The following HDAC8 variants were observed in gnomAD, a reference collection of about 807,000 sequenced individuals.
The protein encoded by HDAC8 is histone deacetylase 8, also known as histone deacetylase-like 1.
Under a neutral mutation model 32.2 loss-of-function variants are expected in HDAC8, and 1 was observed. That is an observed-to-expected ratio of 0.03 (90% CI 0.01 to 0.15). The LOEUF (loss-of-function observed/expected upper bound fraction) is 0.15. Among genes scored for constraint, HDAC8 ranks in the 10% least tolerant of loss-of-function variants. HDAC8 has a pLI of 1.00. For missense variants in HDAC8, 117 were observed against 300.0 expected (o/e 0.39, Z 4.51); for synonymous variants, 108 against 113.9 (o/e 0.95, Z 0.33).
chrX:72,526,588 G>A (rs1342201082), intron 4 of HDAC8, among the ~76,000 whole-genome samples: 2 of 110,961 alleles, frequency 1.8e-5, no homozygotes, highest in Non-Finnish European at 3.8e-5. Flanking sequence ...ATAAATATTT[G>A]TTGAATTAAG....
At chrX:72,500,046 C>T (rs1285118500) in intron 4 of HDAC8, among the ~76,000 whole-genome samples, 1 of 111,009 alleles carries the variant, frequency 9.0e-6, no homozygotes, top group Non-Finnish European at 1.9e-5. Context: ...GGATAAATTC[C>T]TGGACATATA....
At chrX:72,500,530 C>T (rs2049175877) in intron 4 of HDAC8, among the ~76,000 whole-genome samples, 1 of 111,974 alleles carries the variant, frequency 8.9e-6, no homozygotes, top group South Asian at 3.7e-4. Flanking sequence ...ACAAAAACTA[C>T]ATGATCATCT....
chrX:72,496,950 G>A (rs1342630034), intron 4 of HDAC8, among the ~76,000 whole-genome samples: 1 of 111,739 alleles, frequency 8.9e-6, no homozygotes, highest in African/African-American at 3.2e-5. Context: ...AAGCAGTGAT[G>A]GTTAAGAAAC....
At chrX:72,532,751 A>G (rs2050393110) in intron 4 of HDAC8, among the ~76,000 whole-genome samples, 1 of 111,236 alleles carries the variant, frequency 9.0e-6, no homozygotes, top group Admixed American at 9.6e-5. Flanking sequence ...CAAGAGTTCT[A>G]TACACATATA....
intron 9 of HDAC8, among the ~76,000 whole-genome samples, chrX:72,364,457 T>C (rs2044642071): frequency 8.9e-6 from 1 of 112,034 alleles, no homozygotes; most frequent in Non-Finnish European, 1.9e-5. Flanking sequence ...CTGCTGGACA[T>C]TTCTACCTGG....
intron 9 of HDAC8, among the ~76,000 whole-genome samples, chrX:72,353,417 A>T (rs1374482732): frequency 8.9e-6 from 1 of 112,233 alleles, no homozygotes; most frequent in Non-Finnish European, 1.9e-5. Flanking sequence ...TGCTGGAGTT[A>T]TTACTCTCTG....
At chrX:72,347,885 C>T (rs782156300) in intron 10 of HDAC8, among the ~76,000 whole-genome samples, 3 of 111,875 alleles carry the variant, frequency 2.7e-5, no homozygotes, top group Non-Finnish European at 5.6e-5. Flanking sequence ...CTCATTGGCA[C>T]GAGAGGAGCT....
intron 2 of HDAC8, among the ~76,000 whole-genome samples, chrX:72,569,670 C>T (rs1267518317): frequency 1.8e-5 from 2 of 111,571 alleles, no homozygotes; most frequent in Non-Finnish European, 3.8e-5. Flanking sequence ...CAAATAGAAG[C>T]GAGTGAGGGA....
intron 7 of HDAC8, among the ~76,000 whole-genome samples, chrX:72,485,814 G>A (rs1408462096): frequency 9.0e-6 from 1 of 111,589 alleles, no homozygotes; most frequent in Non-Finnish European, 1.9e-5. Context: ...AACCAGTGGG[G>A]TCATGAAATA....
chrX:72,398,938 G>T (rs1211482487), intron 9 of HDAC8, among the ~76,000 whole-genome samples: 1 of 109,545 alleles, frequency 9.1e-6, no homozygotes, highest in Non-Finnish European at 1.9e-5. Context: ...ACTAGCATTT[G>T]GGGCAGGACA....
At chrX:72,559,562 C>T (rs1270807967) in intron 4 of HDAC8, among the ~76,000 whole-genome samples, 2 of 105,990 alleles carry the variant, frequency 1.9e-5, no homozygotes, top group Non-Finnish European at 3.9e-5. Context: ...CCCTCTGCCC[C>T]GCCGCCCAGT....
chrX:72,342,596 G>A (rs2043914904), intron 10 of HDAC8, among the ~76,000 whole-genome samples: 2 of 112,247 alleles, frequency 1.8e-5, no homozygotes, highest in Non-Finnish European at 3.8e-5. Flanking sequence ...ACTAGAAGCT[G>A]GAGGGAAATG....
At chrX:72,571,956 A>T in intron 2 of HDAC8, 101 bp downstream of exon 2, 1 of 669,925 alleles carries the variant, frequency 1.5e-6, no homozygotes, top group Non-Finnish European at 2.2e-6. Context: ...AGCTAAAATA[A>T]TTTTTTCAAA....
chrX:72,385,250 G>A (rs1049634776), intron 9 of HDAC8, among the ~76,000 whole-genome samples: 9 of 111,211 alleles, frequency 8.1e-5, no homozygotes, highest in African/African-American at 2.6e-4. Context: ...GATCACTTGA[G>A]GCCACCAGTT....
intron 4 of HDAC8, among the ~76,000 whole-genome samples, chrX:72,556,942 C>T (rs782103656): frequency 1.8e-5 from 2 of 112,204 alleles, no homozygotes; most frequent in South Asian, 7.4e-4. Context: ...CCAGGCTGGG[C>T]GCGGTGGCTC....
chrX:72,418,434 G>T (rs2046403189), intron 9 of HDAC8, among the ~76,000 whole-genome samples: 1 of 111,763 alleles, frequency 8.9e-6, no homozygotes, highest in Admixed American at 9.5e-5. Context: ...AGGAAAAAAT[G>T]CTCCACATCA....
At chrX:72,346,779 C>T (rs1420735715) in intron 10 of HDAC8, among the ~76,000 whole-genome samples, 2 of 59,602 alleles carry the variant, frequency 3.4e-5, no homozygotes, top group African/African-American at 7.9e-5. Flanking sequence ...GGGGAGGGGG[C>T]GGGGCCTAGG....
At chrX:72,535,306 T>C (rs2077594266) in intron 4 of HDAC8, among the ~76,000 whole-genome samples, 1 of 111,619 alleles carries the variant, frequency 9.0e-6, no homozygotes, top group South Asian at 3.8e-4. Context: ...TGGTCTGAGG[T>C]GAGAGGCATA....
chrX:72,396,462 T>A (rs1036677744), intron 9 of HDAC8, among the ~76,000 whole-genome samples: 1 of 112,520 alleles, frequency 8.9e-6, no homozygotes, highest in African/African-American at 3.2e-5. Flanking sequence ...AAAGAGTTTT[T>A]AAAAATTTTT....
Sources: allele counts gnomAD v4.1 joint callset (sites outside exome capture counted in the v4.1 genomes callset), GRCh38; gene constraint gnomAD v4.1.1; transcripts MANE v1.5; gene names NCBI Gene and HGNC (gene_info 2026-07-23, HGNC 2026-07-21).